The following SNX4 variants were observed in gnomAD, a reference collection of about 807,000 sequenced individuals.
SNX4 encodes the protein sorting nexin 4, also known as sorting nexin-4.
A neutral mutation model predicts 70.8 loss-of-function variants in SNX4; 49 were observed. The ratio of observed to expected loss-of-function variants is 0.69; its 90% confidence interval spans 0.55 to 0.88. SNX4 has a LOEUF of 0.88. Ranked by LOEUF, SNX4 falls within the 40% of genes least tolerant of loss-of-function variation. SNX4 has a pLI of 0.00. For synonymous variants in SNX4, 206 were observed against 183.8 expected (o/e 1.12, Z -0.98); for missense variants, 528 against 544.8 (o/e 0.97, Z 0.31).
intron 2 of SNX4, among the ~76,000 whole-genome samples, chr3:125,500,607 C>G (rs1415712405): frequency 1.3e-5 from 2 of 151,750 alleles, no homozygotes; most frequent in South Asian, 2.1e-4. Context: ...CAAGACGATC[C>G]TGGCTAACAC....
intron 5 of SNX4, among the ~76,000 whole-genome samples, 173 bp from the exon 6 acceptor site, chr3:125,489,636 C>T (rs181820413): frequency 8.5e-5 from 13 of 152,174 alleles, no homozygotes; most frequent in African/African-American, 2.9e-4. Flanking sequence ...TTTGAAAACA[C>T]TACAAAAACA....
chr3:125,466,347 A>C (rs552053004), intron 9 of SNX4, among the ~76,000 whole-genome samples: 115 of 151,236 alleles, frequency 7.6e-4, no homozygotes, highest in African/African-American at 2.3e-3. Flanking sequence ...CTATTAACAA[A>C]AAAAAAAAAA....
At chr3:125,496,925 C>T (rs2107559374) in intron 5 of SNX4, among the ~76,000 whole-genome samples, 1 of 152,102 alleles carries the variant, frequency 6.6e-6, no homozygotes, top group East Asian at 1.9e-4. Context: ...TAAGGTTGGA[C>T]TCTTTCATAT....
chr3:125,449,248 C>A (rs535063209), intron 13 of SNX4: 1 of 151,576 alleles, frequency 6.6e-6, no homozygotes, highest in African/African-American at 2.4e-5. Context: ...ATGGTGAAAC[C>A]GTCTCTCCTA....
chr3:125,512,301 C>T (rs1005983303), intron 1 of SNX4, among the ~76,000 whole-genome samples: 1 of 152,184 alleles, frequency 6.6e-6, no homozygotes, highest in Admixed American at 6.5e-5. Context: ...TCTGAAAGCA[C>T]ATTCTGATAA....
At chr3:125,508,494 G>A (rs1485798373) in intron 1 of SNX4, among the ~76,000 whole-genome samples, 1 of 151,694 alleles carries the variant, frequency 6.6e-6, no homozygotes, top group African/African-American at 2.4e-5. Flanking sequence ...GTGAACCCGG[G>A]AGGCGGAGCT....
At chr3:125,455,868 T>C (rs1933702742) in intron 11 of SNX4, among the ~76,000 whole-genome samples, 1 of 151,294 alleles carries the variant, frequency 6.6e-6, no homozygotes, top group African/African-American at 2.4e-5. Flanking sequence ...AAAAAAAAAA[T>C]TGGTCGGGCG....
chr3:125,504,753 A>C lies in SNX4; in HGVS notation c.142-9T>G. The C allele has an allele frequency of 6.2e-7, 1 of 1,611,050 alleles. No homozygotes were observed. Among genetic ancestry groups the C allele is most frequent in the South Asian group, 1.1e-5 (1 of 90,468 alleles). On this transcript the variant is annotated splice_polypyrimidine_tract_variant and intron_variant, in intron 1 of 13. Coordinates refer to ENST00000251775, the MANE Select transcript of SNX4 (RefSeq NM_003794.4). ...AAATTATTGTGTGTCATCTGGACAAAAGTAAATAAAACAACAACAACAACA... is the reference window on the plus strand; with the variant it reads ...AAATTATTGTGTGTCATCTGGACAACAGTAAATAAAACAACAACAACAACA...
At chr3:125,476,531 A>G (rs1934293124) in intron 8 of SNX4, among the ~76,000 whole-genome samples, 164 bp downstream of exon 8, 1 of 152,152 alleles carries the variant, frequency 6.6e-6, no homozygotes, top group Non-Finnish European at 1.5e-5. Context: ...AGATCACATC[A>G]TTGCATCAGC....
At chr3:125,519,949 G>GCCCCCCCCCCCCCCCCCCCCCCCCC in intron 1 of SNX4, 83 bp downstream of exon 1, 2 of 1,049,134 alleles carry the variant, frequency 1.9e-6, no homozygotes, top group East Asian at 3.9e-5. Context: ...GCCCGGCCCG[G>GCCCCCCCCCCCCCCCCCCCCCCCCC]CCCAGCCCAG....
chr3:125,496,416 A>T (rs906741034), intron 5 of SNX4, among the ~76,000 whole-genome samples: 3 of 152,196 alleles, frequency 2.0e-5, no homozygotes, highest in Non-Finnish European at 4.4e-5. Flanking sequence ...CAAATTTCAA[A>T]TATCTATGGG....
intron 1 of SNX4, among the ~76,000 whole-genome samples, chr3:125,514,247 T>TA (rs1045753590): frequency 1.2e-4 from 19 of 152,230 alleles, no homozygotes; most frequent in African/African-American, 4.3e-4. Context: ...CTTTTTTCTA[T>TA]AAAAATACTT....
At chr3:125,452,052 A>G (rs1249664562) in intron 12 of SNX4, among the ~76,000 whole-genome samples, 1 of 152,138 alleles carries the variant, frequency 6.6e-6, no homozygotes, top group African/African-American at 2.4e-5. Context: ...AGTGCCTTCC[A>G]GGGGTCACTG....
At position 125,487,251 on chromosome 3, in the gene SNX4, A is replaced by C. The variant is rs1295538900; in HGVS notation, c.653+2157T>G. Among the ~76,000 whole-genome samples the C allele has an allele frequency of 3.9e-5, 6 of 152,212 alleles. No homozygotes were observed. In the East Asian group the frequency reaches 1.2e-3, roughly 29 times the overall value. On this transcript the variant is annotated intron_variant, in intron 6 of 13. Transcript: ENST00000251775. ...AATATACACAATTATCCAGAATTTA[A>C]GACAAACAAATCCTGTTACTAATTA...
chr3:125,487,898 G>A (rs903610288), intron 6 of SNX4, among the ~76,000 whole-genome samples: 1 of 151,926 alleles, frequency 6.6e-6, no homozygotes, highest in Non-Finnish European at 1.5e-5. Flanking sequence ...GTGGATACAC[G>A]TCATTATCCA....
At position 125,453,800 on chromosome 3, in the gene SNX4, G is replaced by C; in HGVS notation, c.1190+10C>G. ...AAGCCTAGCTTACTTAAACATCGCAGCATCTTTACCTGCCTTCCAGATTTT... is the reference window on the plus strand; with the variant it reads ...AAGCCTAGCTTACTTAAACATCGCACCATCTTTACCTGCCTTCCAGATTTT... On this transcript the variant is annotated intron_variant, in intron 12 of 13. Transcript: ENST00000251775. The C allele has an allele frequency of 6.2e-7, 1 of 1,612,946 alleles. No homozygotes were observed. Among genetic ancestry groups the C allele is most frequent in the South Asian group, 1.1e-5 (1 of 90,908 alleles).
intron 12 of SNX4, among the ~76,000 whole-genome samples, chr3:125,452,135 T>G (rs1371115385): frequency 6.6e-6 from 1 of 151,748 alleles, no homozygotes; most frequent in Non-Finnish European, 1.5e-5. Context: ...AGACCAAGTC[T>G]CGCTCTGTAG....
chr3:125,497,482 C>A, intron 4 of SNX4, 94 bp from the exon 5 acceptor site: 1 of 866,200 alleles, frequency 1.2e-6, no homozygotes, highest in Non-Finnish European at 1.9e-6. Context: ...CTTACTTCAG[C>A]AGGAATTGGA....
intron 8 of SNX4, among the ~76,000 whole-genome samples, chr3:125,470,398 T>A (rs1024422711): frequency 6.6e-6 from 1 of 151,802 alleles, no homozygotes; most frequent in African/African-American, 2.4e-5. Flanking sequence ...GAATGTATAA[T>A]AATCATCTTC....
Sources: gnomAD v4.1 joint callset for allele counts (sites outside exome capture counted in the v4.1 genomes callset) on GRCh38, gnomAD v4.1.1 for gene constraint, MANE v1.5 for transcripts, NCBI Gene and HGNC (gene_info 2026-07-23, HGNC 2026-07-21) for gene names.